FGF13: variants seen among roughly 807,000 people sequenced by gnomAD.
The protein encoded by FGF13 is fibroblast growth factor homologous factor 2.
FGF13 carries 2 observed loss-of-function variants against 19.5 expected under a neutral mutation model. That is an observed-to-expected ratio of 0.10 (90% CI 0.04 to 0.32). FGF13 has a LOEUF of 0.32. Ranked by LOEUF, FGF13 falls within the 10% of genes least tolerant of loss-of-function variation. The pLI is 1.00. For synonymous variants in FGF13, 72 were observed against 76.9 expected, an observed-to-expected ratio of 0.94 and a Z score of 0.33; for missense variants, 113 against 192.7, an observed-to-expected ratio of 0.59 and a Z score of 2.45.
At chrX:139,137,631 C>T (rs1174804807) in intron 1 of FGF13, among the ~76,000 whole-genome samples, 2 of 112,071 alleles carry the variant, frequency 1.8e-5, no homozygotes, top group South Asian at 3.7e-4. Context: ...AGCACCAGAA[C>T]CCTCAGGCCC....
intron 3 of FGF13, among the ~76,000 whole-genome samples, chrX:138,638,765 T>C (rs1372884842): frequency 4.5e-5 from 5 of 112,219 alleles, no homozygotes; most frequent in African/African-American, 1.6e-4. Context: ...ATCAGCTGTA[T>C]GTAAAATGAG....
At chrX:138,749,642 T>C (rs979299538) in intron 3 of FGF13, among the ~76,000 whole-genome samples, 3 of 111,361 alleles carry the variant, frequency 2.7e-5, no homozygotes, top group African/African-American at 9.8e-5. Context: ...CTTGGGACAG[T>C]CTAGCACAGT....
intron 1 of FGF13, among the ~76,000 whole-genome samples, chrX:139,128,607 C>A (rs1210262743): frequency 8.9e-6 from 1 of 112,605 alleles, no homozygotes; most frequent in Non-Finnish European, 1.9e-5. Flanking sequence ...AACTGCAGGT[C>A]AACTGCTCAC....
Position 138,834,405 on chromosome X carries a change from A to G in FGF13, c.217+23107T>C, listed in dbSNP as rs191264514. 4.0e-4 allele frequency among the ~76,000 whole-genome samples: 44 copies of G among 110,561 alleles called. No homozygotes were observed. The East Asian group carries it at 0.011, about 29-fold the overall frequency. ...GGTGTATGTGTCCAGGAATTTATCC[A>G]TTTCTTCTAGGGTTTCTGGTTTGTG... On this transcript the variant is annotated intron_variant, in intron 3 of 6. Transcript: ENST00000436198.
At chrX:138,677,280 G>C (rs1166828405) in intron 3 of FGF13, among the ~76,000 whole-genome samples, 1 of 110,784 alleles carries the variant, frequency 9.0e-6, no homozygotes, top group African/African-American at 3.3e-5. Context: ...AGGACTTCAT[G>C]TCTAAAACAC....
chrX:139,068,518 T>G (rs1291863591), intron 1 of FGF13, among the ~76,000 whole-genome samples: 1 of 109,558 alleles, frequency 9.1e-6, no homozygotes, highest in Non-Finnish European at 1.9e-5. Flanking sequence ...TCCAATTCTG[T>G]GAAGAAAGGC....
chrX:138,671,033 G>A (rs1314532950), intron 3 of FGF13, among the ~76,000 whole-genome samples: 8 of 81,668 alleles, frequency 9.8e-5, no homozygotes, highest in Admixed American at 9.0e-4. Context: ...CATCACCATC[G>A]CCACCACCAC....
chrX:138,827,776 C>T (rs2091043841), intron 3 of FGF13, among the ~76,000 whole-genome samples: 1 of 111,891 alleles, frequency 8.9e-6, no homozygotes, highest in Admixed American at 9.5e-5. Context: ...GCTAAATCAT[C>T]ATAATCATAA....
At chrX:139,083,099 C>G (rs1456089950) in intron 1 of FGF13, among the ~76,000 whole-genome samples, 2 of 110,972 alleles carry the variant, frequency 1.8e-5, no homozygotes, top group African/African-American at 3.3e-5. Flanking sequence ...TCTCCTCCCC[C>G]TCTTACCTTT....
chrX:138,976,241 T>C, intron 1 of FGF13, among the ~76,000 whole-genome samples: 1 of 111,908 alleles, frequency 8.9e-6, no homozygotes, highest in East Asian at 2.8e-4. Context: ...TCAACAGCTC[T>C]ATTTTAAAGA....
chrX:138,729,193 A>C (rs1436717845), intron 1 of FGF13, among the ~76,000 whole-genome samples: 1 of 111,645 alleles, frequency 9.0e-6, no homozygotes, highest in Non-Finnish European at 1.9e-5. Flanking sequence ...TCTGAGTCTC[A>C]GAGATGGCCC....
intron 3 of FGF13, among the ~76,000 whole-genome samples, chrX:138,635,996 T>G (rs187777174): frequency 4.5e-5 from 5 of 112,150 alleles, no homozygotes; most frequent in Admixed American, 1.9e-4. Context: ...AACTGACACA[T>G]GGAGCTTTGT....
At chrX:138,771,868 G>C (rs1430993369) in intron 3 of FGF13, among the ~76,000 whole-genome samples, 2 of 109,039 alleles carry the variant, frequency 1.8e-5, no homozygotes, top group Non-Finnish European at 3.8e-5. Context: ...CATTTTTGCT[G>C]TTGATTTGTT....
chrX:138,842,680 T>C (rs2091157391), intron 3 of FGF13, among the ~76,000 whole-genome samples: 1 of 111,028 alleles, frequency 9.0e-6, no homozygotes, highest in Non-Finnish European at 1.9e-5. Flanking sequence ...TTTGGCAATA[T>C]TTGGACATAT....
At chrX:139,123,252 C>A (rs945545848) in intron 1 of FGF13, among the ~76,000 whole-genome samples, 1 of 111,689 alleles carries the variant, frequency 9.0e-6, no homozygotes, top group African/African-American at 3.3e-5. Context: ...CATGTCACTT[C>A]CTGGCTCAAA....
chrX:139,144,541 T>A (rs192439726), intron 1 of FGF13, among the ~76,000 whole-genome samples: 53 of 106,964 alleles, frequency 5.0e-4, no homozygotes, highest in Non-Finnish European at 8.4e-4. Context: ...TGCAATGGTC[T>A]CCTTCCTGGT....
At chrX:139,037,050 C>T (rs896486612) in intron 1 of FGF13, among the ~76,000 whole-genome samples, 2 of 110,910 alleles carry the variant, frequency 1.8e-5, no homozygotes, top group African/African-American at 6.6e-5. Flanking sequence ...GCAATAGAAT[C>T]TGTTAGCTCC....
At chrX:138,948,183 G>A (rs767384070) in intron 1 of FGF13, among the ~76,000 whole-genome samples, 6 of 111,711 alleles carry the variant, frequency 5.4e-5, no homozygotes, top group Admixed American at 3.8e-4. Context: ...CCTTCCCCAC[G>A]TTATCCAGGG....
intron 1 of FGF13, among the ~76,000 whole-genome samples, chrX:139,177,790 C>T (rs370752308): frequency 9.8e-5 from 11 of 112,122 alleles, no homozygotes; most frequent in African/African-American, 3.6e-4. Flanking sequence ...AGAACTCCTG[C>T]AGCTAGCTAT....
Sources: gnomAD v4.1 joint callset for allele counts (sites outside exome capture counted in the v4.1 genomes callset) on GRCh38, gnomAD v4.1.1 for gene constraint, MANE v1.5 for transcripts, NCBI Gene and HGNC (gene_info 2026-07-23, HGNC 2026-07-21) for gene names.